Variants in ARSL observed in about 807,000 individuals in gnomAD.
The protein encoded by ARSL is arylsulfatase E (chondrodysplasia punctata 1).
ARSL carries 4 observed loss-of-function variants against 31.1 expected under a neutral mutation model. The ratio of observed to expected loss-of-function variants is 0.13; its 90% CI spans 0.06 to 0.29. ARSL has a LOEUF of 0.29. Ranked by LOEUF, ARSL falls within the 10% of genes least tolerant of loss-of-function variation. ARSL has a pLI of 1.00. For missense variants in ARSL, 312 were observed against 497.8 expected (o/e 0.63, Z 3.55); for synonymous variants, 198 against 209.9 (o/e 0.94, Z 0.49).
At chrX:2,964,661 G>T (rs1304999646), upstream of ARSL, 1 of 130,881 alleles carries the variant, frequency 7.6e-6, no homozygotes, top group African/African-American at 3.2e-5. Context: ...GTTACACAGG[G>T]TGCTGGCTAT....
At chrX:2,960,481 A>G (rs2089610580) in intron 1 of ARSL, 61 bp from the exon 2 acceptor site, 3 of 1,123,813 alleles carry the variant, frequency 2.7e-6, no homozygotes, top group South Asian at 1.9e-5. Flanking sequence ...GATTATAAAT[A>G]AAACAGTAAG....
At chrX:2,965,554 CA>C (rs58446517), upstream of ARSL, among the ~76,000 whole-genome samples, 2,716 of 99,955 alleles carry the variant, frequency 0.027, 81 homozygotes, top group African/African-American at 0.093. Flanking sequence ...AAAAAATAAG[CA>C]AAAAAAAAAG....
intron 2 of ARSL, chrX:2,959,619 G>A (rs1435167890): frequency 2.6e-6 from 3 of 1,153,082 alleles, no homozygotes; most frequent in Non-Finnish European, 2.3e-6. Context: ...TGCAGAGAAT[G>A]AAATACAATT....
intron 7 of ARSL, among the ~76,000 whole-genome samples, chrX:2,945,030 GGGA>G (rs894386362): frequency 9.2e-6 from 1 of 108,945 alleles, no homozygotes; most frequent in Non-Finnish European, 1.9e-5. Flanking sequence ...GAAGAAGAGG[GGGA>G]GGAGGAGAAA....
At chrX:2,959,423 T>C (rs1259687253) in intron 2 of ARSL, among the ~76,000 whole-genome samples, 1 of 111,459 alleles carries the variant, frequency 9.0e-6, no homozygotes, top group Non-Finnish European at 1.9e-5. Context: ...GCCACTATCA[T>C]TGCTGCCTCT....
intron 2 of ARSL, chrX:2,959,542 G>A (rs751791398): frequency 7.7e-5 from 86 of 1,114,043 alleles, no homozygotes; most frequent in Non-Finnish European, 5.7e-5. Flanking sequence ...TTGTAGTAGG[G>A]GAAACCCTGA....
rs765024303 is a variant in ARSL, at chrX:2,949,459, C to T, written c.699G>A (p.Ser233=). 98 of 1,208,910 alleles carry T rather than the reference C, an allele frequency of 8.1e-5. No individual in the cohort carries two copies. Among genetic ancestry groups the T allele is most frequent in the African/African-American group, 1.1e-4 (6 of 56,854 alleles). Residue 233 remains serine (S), a synonymous_variant, in exon 6 of 11, where the codon TCG becomes TCA. Transcript: ENST00000381134. The part of the protein sequence containing the change: ...SWMPVIWSAL[S]AVLLLASSYF... ...AGGAGCTTGCGAGGAGGAGGACGGC[C>T]GAAAGGGCTGACCAGATGACCGGCA...
intron 10 of ARSL, among the ~76,000 whole-genome samples, chrX:2,936,317 T>TAA (rs2089200420): frequency 9.2e-6 from 1 of 109,131 alleles, no homozygotes. Flanking sequence ...AAAAAATAAT[T>TAA]ACAAAAAAAT....
chrX:2,940,256 A>T (rs1419037515), intron 8 of ARSL, among the ~76,000 whole-genome samples: 1 of 111,860 alleles, frequency 8.9e-6, no homozygotes, highest in Non-Finnish European at 1.9e-5. Context: ...GGAATGAAAC[A>T]TTTCCACAAC....
At position 2,960,320 on chromosome X, in the gene ARSL, G is replaced by GAGAAAGAAAGAA. The variant is rs377714899; in HGVS notation, c.23+46_23+57dup. ...GAAGAGAAAGAAGGGAAGGAAGGAA[G>GAGAAAGAAAGAA]AGAAAGAAAGAAAGAAAGAAAGGAG... On this transcript the variant is annotated intron_variant, in intron 2 of 10. Coordinates refer to ENST00000381134, the MANE Select transcript of ARSL (RefSeq NM_000047.3). 1.4e-4 allele frequency: 77 copies of GAGAAAGAAAGAA among 546,732 alleles called. No individual in the cohort carries two copies. In the African/African-American group the frequency reaches 1.9e-3, roughly 13 times the overall value. The allele number at this position is 546,732 out of a possible 1,213,427, so 45.1% of individuals were successfully genotyped here. A position where few individuals can be genotyped will look rare whatever the true frequency, so the allele number is the denominator to read the frequency against.
chrX:2,947,526 C>T (rs2089402134), intron 6 of ARSL, among the ~76,000 whole-genome samples: 1 of 111,979 alleles, frequency 8.9e-6, no homozygotes. Flanking sequence ...TTTAGCTTCT[C>T]CCTCCCTTCA....
At chrX:2,951,907 A>G (rs980393927) in intron 5 of ARSL, among the ~76,000 whole-genome samples, 1 of 109,365 alleles carries the variant, frequency 9.1e-6, no homozygotes, top group Non-Finnish European at 1.9e-5. Context: ...AAATTAAACA[A>G]AGAACATTTT....
At chrX:2,939,399 C>T (rs1168379823) in intron 8 of ARSL, among the ~76,000 whole-genome samples, 3 of 111,938 alleles carry the variant, frequency 2.7e-5, no homozygotes, top group Non-Finnish European at 5.6e-5. Context: ...AGGATAAATT[C>T]CTGTTGTTTA....
chrX:2,941,880 T>G (rs939720978), intron 8 of ARSL, among the ~76,000 whole-genome samples: 3 of 112,676 alleles, frequency 2.7e-5, no homozygotes, highest in Non-Finnish European at 3.8e-5. Flanking sequence ...TTTACAGAGT[T>G]TAGCTCTTTT....
chrX:2,965,363 T>C (rs1202090333), upstream of ARSL, among the ~76,000 whole-genome samples: 4 of 108,177 alleles, frequency 3.7e-5, no homozygotes, highest in Non-Finnish European at 5.7e-5. Flanking sequence ...TAGCCAGGCA[T>C]GGTGTCACAT....
At chrX:2,944,258 A>G (rs1331817499) in intron 7 of ARSL, among the ~76,000 whole-genome samples, 1 of 109,462 alleles carries the variant, frequency 9.1e-6, no homozygotes, top group Non-Finnish European at 1.9e-5. Flanking sequence ...GTTCGAGACC[A>G]GCCTGGCCAA....
At chrX:2,945,594 T>C (rs1448252502) in intron 7 of ARSL, among the ~76,000 whole-genome samples, 3 of 111,149 alleles carry the variant, frequency 2.7e-5, no homozygotes, top group Non-Finnish European at 5.7e-5. Context: ...GTCTAGCACA[T>C]GGGGATTAGG....
chrX:2,958,409 G>T lies in ARSL; in HGVS notation c.50C>A (p.Ala17Glu). ...CAAACTTAGCAGTACAGCGAGCATC[G>T]CTGGCAGCCAGCTCCTGAAACACAA... ...SCLCFRSWLPAMLAVLLSLAP... is the reference protein window; with the variant it reads ...SCLCFRSWLPEMLAVLLSLAP... Residue 17 changes from alanine to glutamate, a missense_variant, in exon 3 of 11, where the codon GCG (alanine) becomes GAG (glutamate). By Grantham distance (107) the Ala-to-Glu change is moderately radical (BLOSUM62 -1). Coordinates refer to ENST00000381134, the MANE Select transcript of ARSL (RefSeq NM_000047.3). The T allele has an allele frequency of 8.3e-7, 1 of 1,212,001 alleles. No individual in the cohort carries two copies. The highest frequency in any genetic ancestry group is 3.0e-5 in the East Asian group (1 of 33,848).
chrX:2,959,056 C>G (rs776502621), intron 2 of ARSL, among the ~76,000 whole-genome samples: 1 of 111,929 alleles, frequency 8.9e-6, no homozygotes, highest in Non-Finnish European at 1.9e-5. Context: ...GATCGGGTCC[C>G]CAGAACAGCT....
Sources: allele counts gnomAD v4.1 joint callset (sites outside exome capture counted in the v4.1 genomes callset), GRCh38; gene constraint gnomAD v4.1.1; transcripts MANE v1.5; gene names NCBI Gene and HGNC (gene_info 2026-07-23, HGNC 2026-07-21).